TGFB3: variants seen among roughly 807,000 people sequenced by gnomAD.
TGFB3 encodes the protein transforming growth factor beta-3 proprotein.
Under a neutral mutation model 40.1 loss-of-function variants are expected in TGFB3, and 5 were observed. That is an observed-to-expected ratio of 0.12 (90% CI 0.07 to 0.26). The LOEUF (loss-of-function observed/expected upper bound fraction) is 0.26. Ranked by LOEUF, TGFB3 falls within the 10% of genes least tolerant of loss-of-function variation. The pLI is 1.00. For synonymous variants in TGFB3, 184 were observed against 205.6 expected, an observed-to-expected ratio of 0.89 and a Z score of 0.90; for missense variants, 373 against 530.1, an observed-to-expected ratio of 0.70 and a Z score of 2.91.
chr14:75,969,089 T>C (rs1180232359), intron 3 of TGFB3, among the ~76,000 whole-genome samples: 2 of 152,218 alleles, frequency 1.3e-5, no homozygotes, highest in African/African-American at 4.8e-5. Flanking sequence ...CCAGGTTTTA[T>C]GTGAAATCTC....
intron 1 of TGFB3, among the ~76,000 whole-genome samples, chr14:75,973,864 G>A (rs578119817): frequency 4.9e-4 from 74 of 152,194 alleles, no homozygotes; most frequent in South Asian, 6.2e-4. Flanking sequence ...AGATGGGGCC[G>A]GGCACGGTGG....
At chr14:75,960,790 C>T (rs2035146750) in intron 6 of TGFB3, 133 bp downstream of exon 6, 2 of 1,247,002 alleles carry the variant, frequency 1.6e-6, no homozygotes, top group South Asian at 1.3e-5. Context: ...AGATCAGAAC[C>T]TTCACCAGAG....
chr14:75,961,577 C>A (rs1433000785), intron 5 of TGFB3, among the ~76,000 whole-genome samples: 2 of 152,208 alleles, frequency 1.3e-5, no homozygotes, highest in African/African-American at 4.8e-5. Flanking sequence ...CGTGGTTCAA[C>A]AGATCACCCA....
intron 3 of TGFB3, among the ~76,000 whole-genome samples, chr14:75,967,391 T>G (rs1468232807): frequency 6.6e-6 from 1 of 152,084 alleles, no homozygotes; most frequent in South Asian, 2.1e-4. Context: ...GAGAAGTGAA[T>G]GGAGAGGGAG....
intron 3 of TGFB3, chr14:75,970,801 G>A (rs2035281700): frequency 1.1e-5 from 4 of 361,110 alleles, no homozygotes; most frequent in South Asian, 6.4e-5. Flanking sequence ...GATCTTCATG[G>A]GCTAAATCCT....
chr14:75,961,451 TG>T (rs1490445148), intron 5 of TGFB3, among the ~76,000 whole-genome samples: 1 of 152,232 alleles, frequency 6.6e-6, no homozygotes, highest in Non-Finnish European at 1.5e-5. Flanking sequence ...CCTCCTAATG[TG>T]CACCCAGACA....
chr14:75,960,927 C>G lies in TGFB3; in HGVS notation c.1076G>C (p.Ser359Thr), dbSNP rs1474531974. The G allele has an allele frequency of 1.1e-5, 18 of 1,614,058 alleles. No individual in the cohort carries two copies. Among genetic ancestry groups the G allele is most frequent in the African/African-American group, 2.7e-5 (2 of 74,932 alleles). The change falls in exon 6 of 7, where the codon AGC becomes ACC. Residue 359 changes from serine to threonine, a missense_variant. Physicochemically the swap from Ser to Thr is moderately conservative, Grantham distance 58 (BLOSUM62 1). Transcript: ENST00000238682. Reference protein sequence around the residue: ...PYLRSADTTHSTVLGLYNTLN... With the variant: ...PYLRSADTTHTTVLGLYNTLN... ...TGGCATGAGCCTGCTCCATACCGTG[C>G]TGTGGGTTGTGTCTGCACTGCGGAG...
At chr14:75,966,439 G>A (rs1488496301) in intron 3 of TGFB3, 2 of 152,794 alleles carry the variant, frequency 1.3e-5, no homozygotes, top group African/African-American at 2.4e-5. Context: ...AGGACACAAC[G>A]AGGTAAAAAT....
Position 75,981,922 on chromosome 14 carries a change from C to T in TGFB3, c.-1029G>A, listed in dbSNP as rs11466413. Among the ~76,000 whole-genome samples, 133 of 151,458 alleles carry T rather than the reference C, an allele frequency of 8.8e-4. No individual in the cohort carries two copies. The highest frequency in any genetic ancestry group is 3.0e-3 in the African/African-American group (125 of 41,354). On this transcript the variant is annotated 5_prime_UTR_variant, in exon 1 of 7. Coordinates refer to ENST00000238682, the MANE Select transcript of TGFB3 (RefSeq NM_003239.5). This position sits in a 1 kb window ranked among gnomAD's most constrained non-coding sequence, Gnocchi z 4.7. ...TGACTCTCTGCTTCCCTCCCTTTCT[C>T]TCTCTCCCTCTCCCTCTCCCTCTCG...
chr14:75,972,988 C>G (rs1394747406), intron 1 of TGFB3, among the ~76,000 whole-genome samples: 3 of 152,174 alleles, frequency 2.0e-5, no homozygotes, highest in Non-Finnish European at 4.4e-5. Flanking sequence ...CCTCTTCATC[C>G]CTGTCCACAA....
rs1257515732 is a variant in TGFB3 at position 75,980,778 on chromosome 14, CTCT to C, written c.113_115del (p.Lys38del). 15 of 1,614,056 alleles carry C rather than the reference CTCT, an allele frequency of 9.3e-6. No homozygotes were observed. Among genetic ancestry groups the C allele is most frequent in the Admixed American group, 5.0e-5 (3 of 60,004 alleles). ...GATCTGTCCCCTAATGGCTTCCACCCTCTTCTTCTTGATGTGGCCGAAGTCCAA... is the reference window on the plus strand; with the variant it reads ...GATCTGTCCCCTAATGGCTTCCACCCTCTTCTTGATGTGGCCGAAGTCCAA... On this transcript the variant is annotated inframe_deletion, in exon 1 of 7. Coordinates refer to ENST00000238682, the MANE Select transcript of TGFB3 (RefSeq NM_003239.5). The surrounding 1 kb of genome is among the most constrained non-coding windows in gnomAD (Gnocchi z 4.3).
chr14:75,960,966 C>T lies in TGFB3; in HGVS notation c.1037G>A (p.Gly346Asp). ...TGCACTGCGGAGGTATGGGCAAGGG[C>T]CTGAGCAGAAGTTGGCATAGTAGCC... is the stretch of plus-strand genomic sequence containing the variant. ...PKGYYANFCS[G>D]PCPYLRSADT... The change falls in exon 6 of 7, where the codon GGC becomes GAC. Residue 346 changes from glycine to aspartate, a missense_variant. Gly to Asp is a moderately conservative substitution (Grantham distance 94, BLOSUM62 -1). Transcript: ENST00000238682. 1 of 1,614,204 alleles carries T rather than the reference C, an allele frequency of 6.2e-7. No individual in the cohort carries two copies. Among genetic ancestry groups the T allele is most frequent in the Non-Finnish European group, 8.5e-7 (1 of 1,180,046 alleles).
chr14:75,976,250 A>AT (rs2035352579), intron 1 of TGFB3, among the ~76,000 whole-genome samples: 6 of 152,170 alleles, frequency 3.9e-5, no homozygotes, highest in Non-Finnish European at 8.8e-5. Flanking sequence ...GGAAAGCTTT[A>AT]AAAACAAATG....
intron 5 of TGFB3, among the ~76,000 whole-genome samples, chr14:75,961,965 C>T (rs116050865): frequency 6.6e-6 from 1 of 152,240 alleles, no homozygotes; most frequent in African/African-American, 2.4e-5. Flanking sequence ...CAAAGATATT[C>T]GATTATTTAT....
In TGFB3 at chr14:75,971,213, C is replaced by T. The variant is rs201063101; in HGVS notation, c.559G>A (p.Gly187Ser). 48 of 1,613,984 alleles carry T rather than the reference C, an allele frequency of 3.0e-5. No homozygotes were observed. Among genetic ancestry groups the T allele is most frequent in the Non-Finnish European group, 3.4e-5 (40 of 1,180,030 alleles). ...CCCCGTGTGGGCAGATTCTTGCCACCGATATAGCGCTGTTTGGCAATGTGC... is the reference window on the plus strand; with the variant it reads ...CCCCGTGTGGGCAGATTCTTGCCACTGATATAGCGCTGTTTGGCAATGTGC... ...DEHIAKQRYIGGKNLPTRGTA... is the reference protein window; with the variant it reads ...DEHIAKQRYISGKNLPTRGTA... The change falls in exon 3 of 7, where the codon GGT (glycine) becomes AGT (serine). Residue 187 changes from glycine (G) to serine (S), a missense_variant. Physicochemically the swap from Gly to Ser is moderately conservative, Grantham distance 56. Coordinates refer to ENST00000238682, the MANE Select transcript of TGFB3 (RefSeq NM_003239.5). This position sits in a 1 kb window ranked among gnomAD's most constrained non-coding sequence, Gnocchi z 4.5.
At chr14:75,960,813 C>T in intron 6 of TGFB3, 110 bp downstream of exon 6, 3 of 1,473,378 alleles carry the variant, frequency 2.0e-6, no homozygotes, top group Non-Finnish European at 2.8e-6. Context: ...ATTTTACTCA[C>T]CCCAGACCAT....
intron 3 of TGFB3, chr14:75,966,457 A>G (rs2035222816): frequency 6.5e-6 from 1 of 152,856 alleles, no homozygotes; most frequent in Non-Finnish European, 1.5e-5. Flanking sequence ...AATTACTTGG[A>G]CATTTCTTCT....
chr14:75,982,361 C>T (rs2035446539), upstream of TGFB3, among the ~76,000 whole-genome samples: 1 of 152,170 alleles, frequency 6.6e-6, no homozygotes, highest in Non-Finnish European at 1.5e-5. This position sits in a 1 kb window ranked among gnomAD's most constrained non-coding sequence, Gnocchi z 4.0. Context: ...GTCCCGGGGC[C>T]GCCCGCGGGC....
chr14:75,967,960 C>T (rs1192416893), intron 3 of TGFB3, among the ~76,000 whole-genome samples: 1 of 152,152 alleles, frequency 6.6e-6, no homozygotes, highest in Non-Finnish European at 1.5e-5. Flanking sequence ...CAGTGTCCCA[C>T]CTTTCCTGAG....
Sources: gnomAD v4.1 joint callset for allele counts (sites outside exome capture counted in the v4.1 genomes callset) on GRCh38, gnomAD v4.1.1 for gene constraint, Gnocchi (gnomAD v3.1) non-coding constraint, MANE v1.5 for transcripts, NCBI Gene and HGNC (gene_info 2026-07-23, HGNC 2026-07-21) for gene names.